WT1: variants seen among roughly 807,000 people sequenced by gnomAD.
The protein encoded by WT1 is Wilms tumor protein.
Under a neutral mutation model 60.8 loss-of-function variants are expected in WT1, and 8 were observed. That is an observed-to-expected ratio of 0.13 (90% CI 0.08 to 0.24). WT1 has a LOEUF of 0.24. Ranked by LOEUF, WT1 falls within the 10% of genes least tolerant of loss-of-function variation. The pLI, the probability that WT1 is intolerant of heterozygous loss-of-function variation, is 1.00. For synonymous variants in WT1, 312 were observed against 297.1 expected, an observed-to-expected ratio of 1.05 and a Z score of -0.52; for missense variants, 568 against 711.8, an observed-to-expected ratio of 0.80 and a Z score of 2.30.
intron 2 of WT1, 145 bp from the exon 3 acceptor site, chr11:32,428,203 G>T: frequency 3.3e-6 from 3 of 902,806 alleles, no homozygotes; most frequent in Non-Finnish European, 5.0e-6. Context: ...AGGCCGTCCA[G>T]AATGCAAGAA....
At chr11:32,430,776 C>G (rs1853277960) in intron 1 of WT1, 2 of 1,324,264 alleles carry the variant, frequency 1.5e-6, no homozygotes, top group Non-Finnish European at 9.6e-7. Context: ...CTCAAACCCT[C>G]TCCTTCAGGT....
At chr11:32,406,032 T>C (rs945186341) in intron 5 of WT1, among the ~76,000 whole-genome samples, 2 of 152,110 alleles carry the variant, frequency 1.3e-5, no homozygotes, top group Non-Finnish European at 2.9e-5. Context: ...AAAGGTGAAC[T>C]GGGGTAGAGG....
chr11:32,407,077 C>T (rs1353738080), intron 5 of WT1, among the ~76,000 whole-genome samples: 4 of 151,932 alleles, frequency 2.6e-5, no homozygotes, highest in Non-Finnish European at 5.9e-5. Flanking sequence ...CCAGCCTCAG[C>T]GACAGAGCGA....
intron 5 of WT1, among the ~76,000 whole-genome samples, chr11:32,413,247 T>C (rs760676258): frequency 8.5e-5 from 13 of 152,228 alleles, no homozygotes; most frequent in African/African-American, 1.4e-4. Context: ...GTTTTTCCTG[T>C]AATAGATCAA....
chr11:32,427,089 C>T (rs1853073702), intron 3 of WT1, among the ~76,000 whole-genome samples: 1 of 152,198 alleles, frequency 6.6e-6, no homozygotes, highest in Admixed American at 6.5e-5. Context: ...GAGGAGGGGG[C>T]TATGAGGTCA....
At chr11:32,399,319 C>T (rs565133433) in intron 6 of WT1, among the ~76,000 whole-genome samples, 45 of 152,024 alleles carry the variant, frequency 3.0e-4, no homozygotes, top group African/African-American at 1.1e-3. Flanking sequence ...TTTTCAAAAC[C>T]CATAGAACTG....
At chr11:32,424,693 A>G (rs1852967703) in intron 3 of WT1, among the ~76,000 whole-genome samples, 1 of 152,212 alleles carries the variant, frequency 6.6e-6, no homozygotes, top group Admixed American at 6.5e-5. Flanking sequence ...TCATAGCCAC[A>G]ACAAATATAT....
intron 5 of WT1, among the ~76,000 whole-genome samples, chr11:32,414,753 A>C (rs1025023961): frequency 6.6e-6 from 1 of 152,008 alleles, no homozygotes; most frequent in African/African-American, 2.4e-5. Context: ...GATGCCTGTA[A>C]TCCCAGCTAC....
rs5030172 is a variant in WT1 at position 32,427,728 on chromosome 11, G to C, written c.887+228C>G. On this transcript the variant is annotated intron_variant, in intron 3 of 9. Transcript: ENST00000452863. ...TCGAGCGCCGCTCCTTCTTCAGCTC[G>C]AAAGAGTAATTGTCCTCATTTTTAT... Among the ~76,000 whole-genome samples, 46,299 of 152,208 alleles carry C rather than the reference G, an allele frequency of 0.3. 9,748 individuals carry two copies. Among genetic ancestry groups the C allele is most frequent in the African/African-American group, 0.6 (24,838 of 41,514 alleles).
chr11:32,413,067 A>C (rs897980082), intron 5 of WT1, among the ~76,000 whole-genome samples: 1 of 152,182 alleles, frequency 6.6e-6, no homozygotes, highest in African/African-American at 2.4e-5. Flanking sequence ...ATTCTTTGTG[A>C]AGCCACTTTT....
At chr11:32,404,268 C>CA (rs61611336) in intron 5 of WT1, among the ~76,000 whole-genome samples, 6,228 of 88,916 alleles carry the variant, frequency 0.07, 226 homozygotes, top group Non-Finnish European at 0.1. Flanking sequence ...GACTCTGTCT[C>CA]AAAAAAAAAA....
intron 5 of WT1, among the ~76,000 whole-genome samples, chr11:32,403,175 C>T (rs1050052619): frequency 3.9e-5 from 6 of 152,036 alleles, no homozygotes; most frequent in African/African-American, 7.2e-5. Flanking sequence ...ACAGCCAGGC[C>T]CCCGCCTATG....
At chr11:32,425,949 G>A (rs2133064758) in intron 3 of WT1, among the ~76,000 whole-genome samples, 1 of 152,256 alleles carries the variant, frequency 6.6e-6, no homozygotes, top group Admixed American at 6.5e-5. Context: ...CACAAAATCA[G>A]ACCTAAGTCA....
At position 32,388,108 on chromosome 11, in the gene WT1, A is replaced by G. The variant is rs1259360681; in HGVS notation, c.*950T>C. On this transcript the variant is annotated 3_prime_UTR_variant, in exon 10 of 10. Transcript: ENST00000452863. ...TTTTCACATATACTTGTAGACCCAA[A>G]GGTCCTTAAGTTACTTAAAAACAGT... The G allele has an allele frequency of 1.7e-5, 4 of 235,448 alleles. No homozygotes were observed. In the East Asian group the frequency reaches 2.4e-4, roughly 14 times the overall value. The allele number at this position is 235,448 out of a possible 1,614,324, so 14.6% of individuals were successfully genotyped here. A position where few individuals can be genotyped will look rare whatever the true frequency, so the allele number is the denominator to read the frequency against.
chr11:32,392,662 A>T lies in WT1; in HGVS notation c.1354+4T>A, dbSNP rs1483362889. 1 of 1,613,848 alleles carries T rather than the reference A, an allele frequency of 6.2e-7. No individual in the cohort carries two copies. The highest frequency in any genetic ancestry group is 2.2e-5 in the East Asian group (1 of 44,892). On this transcript the variant is annotated splice_donor_region_variant and intron_variant, in intron 8 of 9. Coordinates refer to ENST00000452863, the MANE Select transcript of WT1 (RefSeq NM_024426.6). Reference sequence around the variant, plus strand: ...TGCCAGCAATGAGAAGTGAACCTACAAACCTGTATGTCTCCTTTGGTGTCT... The same window carrying T: ...TGCCAGCAATGAGAAGTGAACCTACTAACCTGTATGTCTCCTTTGGTGTCT...
At chr11:32,396,191 T>C (rs1264160539) in intron 7 of WT1, 66 bp downstream of exon 7, 1 of 1,607,288 alleles carries the variant, frequency 6.2e-7, no homozygotes, top group East Asian at 2.2e-5. Context: ...TCCTTAGCAG[T>C]GTGAGAGCCT....
chr11:32,435,171 G>A lies in WT1; in HGVS notation c.190C>T (p.Arg64Cys). 1 of 1,521,228 alleles carries A rather than the reference G, an allele frequency of 6.6e-7. No homozygotes were observed. The highest frequency in any genetic ancestry group is 8.8e-7 in the Non-Finnish European group (1 of 1,140,070). The allele number at this position is 1,521,228 out of a possible 1,614,324, so 94.2% of individuals were successfully genotyped here. A position where few individuals can be genotyped will look rare whatever the true frequency, so the allele number is the denominator to read the frequency against. The stretch of plus-strand genomic sequence containing the variant: ...TGCGGCTCAGACCCGGACGCCCCGC[G>A]GCTCCTCCGGCCCTGGAGACGTTCA... Residue 64 changes from arginine (R) to cysteine (C), a missense_variant, in exon 1 of 10, where the codon CGC (arginine) becomes TGC (cysteine). By Grantham distance (180) the Arg-to-Cys change is radical. This residue lies in a region of WT1 where 523 missense variants were observed against 565.1 expected (regional missense o/e 0.93). Transcript: ENST00000452863.
chr11:32,434,799 G>T lies in WT1; in HGVS notation c.562C>A (p.Pro188Thr). 6.2e-7 allele frequency: 1 copy of T among 1,612,636 alleles called. No individual in the cohort carries two copies. ...CCGGATGACGCCTGGCTGGGCGGAG[G>T]AGGACCGAAGGGCCCGTAGCGACAG... Residue 188 changes from proline (P) to threonine (T), a missense_variant, in exon 1 of 10, where the codon CCT becomes ACT. Physicochemically the swap from Pro to Thr is conservative, Grantham distance 38. This residue lies in a region of WT1 where 523 missense variants were observed against 565.1 expected (regional missense o/e 0.93). Transcript: ENST00000452863.
chr11:32,420,062 C>T (rs1564989299), intron 3 of WT1, among the ~76,000 whole-genome samples: 2 of 152,134 alleles, frequency 1.3e-5, no homozygotes, highest in East Asian at 1.9e-4. Flanking sequence ...CTATGTCTTA[C>T]GTATATGACT....
Sources: allele counts gnomAD v4.1 joint callset (sites outside exome capture counted in the v4.1 genomes callset), GRCh38; gene constraint gnomAD v4.1.1; regional missense constraint gnomAD v4.1.1; transcripts MANE v1.5; gene names NCBI Gene and HGNC (gene_info 2026-07-23, HGNC 2026-07-21).